CEP83: variants seen among roughly 807,000 people sequenced by gnomAD.
CEP83 encodes centrosomal protein of 83 kDa.
CEP83 carries 70 observed loss-of-function variants against 101.9 expected under a neutral mutation model. That is an observed-to-expected ratio of 0.69 (90% confidence interval 0.57 to 0.84). The LOEUF is 0.84. Ranked by LOEUF, CEP83 falls within the 40% of genes least tolerant of loss-of-function variation. The pLI is 0.00. For missense variants in CEP83, 715 were observed against 787.2 expected (o/e 0.91, Z 1.10); for synonymous variants, 264 against 267.9 (o/e 0.99, Z 0.14).
chr12:94,301,138 A>T, the CEP83 span: 1 of 1,306,102 alleles, frequency 7.7e-7, no homozygotes. Context: ...TTCAAATAAT[A>T]AACAATTGGT....
chr12:94,395,335 A>T (rs1185319668), intron 6 of CEP83, among the ~76,000 whole-genome samples: 2 of 150,530 alleles, frequency 1.3e-5, no homozygotes, highest in Non-Finnish European at 3.0e-5. Context: ...AAAGTATAAT[A>T]AAAAAAAATC....
intron 11 of CEP83, among the ~76,000 whole-genome samples, chr12:94,337,181 G>C (rs2059485348): frequency 1.3e-5 from 2 of 152,136 alleles, no homozygotes; most frequent in African/African-American, 4.8e-5. Flanking sequence ...GACATGAAGA[G>C]AAACAATAGT....
At chr12:94,305,135 A>G (rs777207902), downstream of CEP83, 2 of 1,263,856 alleles carry the variant, frequency 1.6e-6, no homozygotes, top group Admixed American at 3.8e-5. Flanking sequence ...CAGAATTGTA[A>G]CGCTAAAACC....
chr12:94,285,677 G>C, the CEP83 span, among the ~76,000 whole-genome samples: 2 of 152,300 alleles, frequency 1.3e-5, no homozygotes, highest in South Asian at 4.1e-4. Flanking sequence ...GAAGGTAATG[G>C]CCAGGAGGAG....
the CEP83 span, among the ~76,000 whole-genome samples, chr12:94,270,394 G>A: frequency 6.6e-6 from 1 of 152,162 alleles, no homozygotes; most frequent in Admixed American, 6.5e-5. Context: ...ATACTTTCTG[G>A]CCCTTTGCAG....
At chr12:94,378,165 T>C (rs990812707) in intron 7 of CEP83, among the ~76,000 whole-genome samples, 1 of 152,118 alleles carries the variant, frequency 6.6e-6, no homozygotes, top group Non-Finnish European at 1.5e-5. Context: ...TTGCTACAAG[T>C]TAGGCACTAA....
chr12:94,281,696 T>C, the CEP83 span: 1 of 152,348 alleles, frequency 6.6e-6, no homozygotes, highest in Admixed American at 6.5e-5. Context: ...ATTGGGATTA[T>C]AGGTCTGAGC....
At chr12:94,316,479 C>T (rs1970707537) in intron 14 of CEP83, among the ~76,000 whole-genome samples, 1 of 109,404 alleles carries the variant, frequency 9.1e-6, no homozygotes, top group Non-Finnish European at 2.0e-5. Context: ...CTCAGAGGTA[C>T]ATGTGCAGGT....
intron 11 of CEP83, among the ~76,000 whole-genome samples, chr12:94,360,678 C>G (rs950435131): frequency 7.3e-5 from 11 of 151,586 alleles, no homozygotes; most frequent in African/African-American, 2.7e-4. Flanking sequence ...ACCATACTAC[C>G]AAAAGTGATC....
intron 2 of CEP83, chr12:94,424,742 C>T (rs2065049762): frequency 1.9e-6 from 3 of 1,611,836 alleles, no homozygotes; most frequent in Non-Finnish European, 2.5e-6. Flanking sequence ...ATATGGCTGA[C>T]ACAGCTTGAC....
intron 2 of CEP83, chr12:94,423,815 C>T (rs770751767): frequency 1.3e-5 from 21 of 1,613,578 alleles, no homozygotes; most frequent in South Asian, 7.7e-5. Flanking sequence ...TTCTGTTGGC[C>T]GCTGCTCTCC....
At chr12:94,318,066 T>C (rs1189675839) in intron 14 of CEP83, among the ~76,000 whole-genome samples, 1 of 152,200 alleles carries the variant, frequency 6.6e-6, no homozygotes, top group Non-Finnish European at 1.5e-5. Context: ...ATGGAAAGTT[T>C]TGCCATTTAT....
chr12:94,376,607 C>T (rs1293875635), intron 7 of CEP83, among the ~76,000 whole-genome samples: 1 of 146,670 alleles, frequency 6.8e-6, no homozygotes, highest in Non-Finnish European at 1.5e-5. Flanking sequence ...ATGGTAATAT[C>T]GATAGTACTC....
chr12:94,335,723 T>C, intron 11 of CEP83, 59 bp from the exon 12 acceptor site: 2 of 1,120,238 alleles, frequency 1.8e-6, no homozygotes, highest in South Asian at 2.8e-5. Flanking sequence ...TTTATTTCAC[T>C]GAATTAAAGA....
chr12:94,417,901 T>G (rs2064407879), intron 2 of CEP83, among the ~76,000 whole-genome samples: 1 of 152,156 alleles, frequency 6.6e-6, no homozygotes, highest in Non-Finnish European at 1.5e-5. Context: ...AACACTATGA[T>G]GACAGGAATG....
intron 1 of CEP83, among the ~76,000 whole-genome samples, chr12:94,445,749 C>T (rs554558298): frequency 6.6e-6 from 1 of 152,312 alleles, no homozygotes; most frequent in East Asian, 1.9e-4. Flanking sequence ...CCAGTTTCCT[C>T]TTCTCATATC....
chr12:94,430,359 A>G (rs1426809795), intron 2 of CEP83, among the ~76,000 whole-genome samples: 1 of 152,212 alleles, frequency 6.6e-6, no homozygotes, highest in Non-Finnish European at 1.5e-5. Flanking sequence ...ACTGAAAAAT[A>G]ACATAAAGAA....
intron 6 of CEP83, among the ~76,000 whole-genome samples, chr12:94,385,146 G>C: frequency 6.6e-6 from 1 of 152,130 alleles, no homozygotes; most frequent in South Asian, 2.1e-4. Flanking sequence ...AGGTGGGAGG[G>C]CTTCTCATGA....
intron 2 of CEP83, among the ~76,000 whole-genome samples, chr12:94,430,057 G>T (rs1026934179): frequency 3.9e-5 from 6 of 151,966 alleles, no homozygotes; most frequent in South Asian, 2.1e-4. Context: ...CACCACTGGG[G>T]AGTCTAAAGA....
Sources: allele counts gnomAD v4.1 joint callset (sites outside exome capture counted in the v4.1 genomes callset), GRCh38; gene constraint gnomAD v4.1.1; transcripts MANE v1.5; gene names NCBI Gene and HGNC (gene_info 2026-07-23, HGNC 2026-07-21).